RTN4RL1: variants seen among roughly 807,000 people sequenced by gnomAD.
The protein encoded by RTN4RL1 is reticulon-4 receptor-like 1.
RTN4RL1 carries 7 observed loss-of-function variants against 25.6 expected under a neutral mutation model. That is an observed-to-expected ratio of 0.27 (90% CI 0.16 to 0.51). RTN4RL1 has a LOEUF of 0.51. Among genes scored for constraint, RTN4RL1 ranks in the 20% least tolerant of loss-of-function variants. The pLI is 0.97. For synonymous variants in RTN4RL1, 297 were observed against 288.2 expected, an observed-to-expected ratio of 1.03 and a Z score of -0.31; for missense variants, 500 against 615.6, an observed-to-expected ratio of 0.81 and a Z score of 1.99.
In RTN4RL1 at chr17:2,024,951, G is replaced by C; in HGVS notation, c.-86C>G. 1 of 1,407,072 alleles carries C rather than the reference G, an allele frequency of 7.1e-7. No homozygotes were observed. Among genetic ancestry groups the C allele is most frequent in the Non-Finnish European group, 9.7e-7 (1 of 1,032,248 alleles). The allele number at this position is 1,407,072 out of a possible 1,614,324, so 87.2% of individuals were successfully genotyped here. On this transcript the variant is annotated 5_prime_UTR_variant, in exon 1 of 2. Coordinates refer to ENST00000331238, the MANE Select transcript of RTN4RL1 (RefSeq NM_178568.4). ...TTCAAATCCCTGGGCGCCAGCTGCA[G>C]CTAATCCGAGCGCGTCGAGGCGGGG...
chr17:1,986,758 AAATTCAT>A (rs1327956729), intron 1 of RTN4RL1, among the ~76,000 whole-genome samples: 1 of 151,586 alleles, frequency 6.6e-6, no homozygotes, highest in Non-Finnish European at 1.5e-5. Flanking sequence ...TAAAAAAAAA[AAATTCAT>A]AGCCAGGAGT....
intron 1 of RTN4RL1, among the ~76,000 whole-genome samples, chr17:1,993,356 G>A (rs915291761): frequency 6.6e-6 from 1 of 152,196 alleles, no homozygotes; most frequent in African/African-American, 2.4e-5. Context: ...TGACTCTGGG[G>A]CCAGTCAGAC....
rs1253673804 is a variant in RTN4RL1, at chr17:1,937,043, C to T, written c.779G>A (p.Gly260Asp). The change falls in exon 2 of 2, where the codon GGT becomes GAT. Residue 260 changes from glycine to aspartate, a missense_variant. Transcript: ENST00000331238. ...LRLNGNPWDC[G>D]CRARSLWEWL... ...TTCCCACAGGGAGCGCGCGCGACAACCACAGTCCCAGGGGTTGCCGTTGAG... is the reference window on the plus strand; with the variant it reads ...TTCCCACAGGGAGCGCGCGCGACAATCACAGTCCCAGGGGTTGCCGTTGAG... The T allele has an allele frequency of 4.4e-6, 7 of 1,604,994 alleles. No individual in the cohort carries two copies. Among genetic ancestry groups the T allele is most frequent in the Non-Finnish European group, 5.1e-6 (6 of 1,177,910 alleles).
intron 1 of RTN4RL1, among the ~76,000 whole-genome samples, chr17:2,021,624 G>A (rs1328196454): frequency 7.6e-6 from 1 of 130,978 alleles, no homozygotes; most frequent in Non-Finnish European, 1.5e-5. Context: ...GTGCGATCTT[G>A]GCTCACTGTA....
rs398030159 is a variant in RTN4RL1 at position 1,988,403 on chromosome 17, C to CAA, written c.13+36448_13+36449dup. Among the ~76,000 whole-genome samples the CAA allele has an allele frequency of 7.2e-3, 555 of 77,112 alleles. 12 individuals are homozygous for CAA. Among genetic ancestry groups the CAA allele is most frequent in the South Asian group, 0.034 (66 of 1,952 alleles). The allele number at this position is 77,112 out of a possible 152,430, so 50.6% of individuals were successfully genotyped here. ...CTGGTGACAGAGCAAGACTCCGCCT[C>CAA]AAAAAAAAAAAAAAAAAAGAAAAGA... is the stretch of plus-strand genomic sequence containing the variant. On this transcript the variant is annotated intron_variant, in intron 1 of 1. Transcript: ENST00000331238.
intron 1 of RTN4RL1, among the ~76,000 whole-genome samples, chr17:1,978,783 T>C (rs1390630635): frequency 6.6e-6 from 1 of 152,170 alleles, no homozygotes; most frequent in African/African-American, 2.4e-5. Flanking sequence ...TAGGCACAAG[T>C]CCCAGAGTTG....
chr17:1,970,536 C>T (rs905804227), intron 1 of RTN4RL1, among the ~76,000 whole-genome samples: 1 of 152,158 alleles, frequency 6.6e-6, no homozygotes, highest in Non-Finnish European at 1.5e-5. Context: ...AAGGGGCCCT[C>T]GTGGGACAGG....
chr17:1,964,119 T>C (rs1394579930), intron 1 of RTN4RL1, among the ~76,000 whole-genome samples: 1 of 152,176 alleles, frequency 6.6e-6, no homozygotes, highest in African/African-American at 2.4e-5. Context: ...CGGAACAGTC[T>C]GGGGCTGCGC....
intron 1 of RTN4RL1, among the ~76,000 whole-genome samples, chr17:1,976,739 G>C (rs2066844163): frequency 6.6e-6 from 1 of 152,232 alleles, no homozygotes; most frequent in African/African-American, 2.4e-5. Context: ...TCACGGGGCA[G>C]GGAGCCAGGG....
At chr17:1,968,816 T>C (rs1028277432) in intron 1 of RTN4RL1, among the ~76,000 whole-genome samples, 3 of 152,266 alleles carry the variant, frequency 2.0e-5, no homozygotes, top group African/African-American at 7.2e-5. Flanking sequence ...CCTTTGGGGC[T>C]TACCCAGAAC....
intron 1 of RTN4RL1, among the ~76,000 whole-genome samples, chr17:1,956,891 C>G (rs1033301067): frequency 6.6e-6 from 1 of 151,986 alleles, no homozygotes; most frequent in Non-Finnish European, 1.5e-5. Flanking sequence ...TTACAGGCGT[C>G]CACCACCACG....
At chr17:1,978,673 G>A (rs2066854266) in intron 1 of RTN4RL1, among the ~76,000 whole-genome samples, 2 of 152,218 alleles carry the variant, frequency 1.3e-5, no homozygotes, top group African/African-American at 4.8e-5. Context: ...GATTCAGTGA[G>A]GTAGTGCGCA....
At chr17:1,959,257 G>C (rs1915850601) in intron 1 of RTN4RL1, among the ~76,000 whole-genome samples, 1 of 152,222 alleles carries the variant, frequency 6.6e-6, no homozygotes, top group South Asian at 2.1e-4. Context: ...TGTGCTGGGT[G>C]CTCAGACTCA....
intron 1 of RTN4RL1, among the ~76,000 whole-genome samples, chr17:1,986,150 G>A (rs566562084): frequency 2.0e-5 from 3 of 152,194 alleles, no homozygotes; most frequent in South Asian, 2.1e-4. Context: ...AAAACCAGGC[G>A]GGATCTGGGG....
chr17:2,003,721 G>A (rs990955526), intron 1 of RTN4RL1: 1 of 152,362 alleles, frequency 6.6e-6, no homozygotes, highest in Non-Finnish European at 1.5e-5. Context: ...GCAATCTACG[G>A]AAGCAGCAGG....
chr17:1,955,356 G>A (rs1023876040), intron 1 of RTN4RL1, among the ~76,000 whole-genome samples: 13 of 151,894 alleles, frequency 8.6e-5, no homozygotes, highest in African/African-American at 2.7e-4. Flanking sequence ...AGGGGTTTGA[G>A]ATAGCCTGGG....
chr17:2,007,802 C>T (rs891032860), intron 1 of RTN4RL1, among the ~76,000 whole-genome samples: 2 of 151,712 alleles, frequency 1.3e-5, no homozygotes, highest in Admixed American at 6.6e-5. Context: ...AAGAATTAGC[C>T]AGGCATGGTG....
At chr17:1,990,989 C>G (rs930690873) in intron 1 of RTN4RL1, among the ~76,000 whole-genome samples, 1 of 152,172 alleles carries the variant, frequency 6.6e-6, no homozygotes, top group Non-Finnish European at 1.5e-5. Flanking sequence ...ATCCAGGGAA[C>G]GAGTCCCTCT....
At chr17:1,950,098 C>T (rs1050418945) in intron 1 of RTN4RL1, among the ~76,000 whole-genome samples, 3 of 152,184 alleles carry the variant, frequency 2.0e-5, no homozygotes, top group Non-Finnish European at 2.9e-5. Flanking sequence ...CACTGAAGAG[C>T]CCGGGGCGGG....
Sources: allele counts gnomAD v4.1 joint callset (sites outside exome capture counted in the v4.1 genomes callset), GRCh38; gene constraint gnomAD v4.1.1; transcripts MANE v1.5; gene names NCBI Gene and HGNC (gene_info 2026-07-23, HGNC 2026-07-21).